The following ASB3 variants were observed in gnomAD, a reference collection of about 807,000 sequenced individuals.
ASB3 encodes ankyrin repeat and SOCS box protein 3.
A neutral mutation model predicts 54.5 loss-of-function variants in ASB3; 41 were observed. The observed-to-expected ratio is 0.75, with a 90% CI of 0.59 to 0.98. The LOEUF is 0.98. ASB3 is among the 50% of genes least tolerant of loss of function. ASB3 has a pLI of 0.00. For missense variants in ASB3, 733 were observed against 620.0 expected (o/e 1.18, Z -1.94); for synonymous variants, 266 against 221.2 (o/e 1.20, Z -1.80).
At chr2:53,746,536 G>C (rs1219377488) in intron 3 of ASB3, among the ~76,000 whole-genome samples, 2 of 147,716 alleles carry the variant, frequency 1.4e-5, no homozygotes, top group Non-Finnish European at 3.0e-5. Flanking sequence ...GGAGTGCAAT[G>C]GCGCAATCTT....
intron 3 of ASB3, among the ~76,000 whole-genome samples, chr2:53,731,403 T>C (rs940493505): frequency 6.9e-6 from 1 of 145,310 alleles, no homozygotes; most frequent in African/African-American, 2.6e-5. Flanking sequence ...CAAGACTCCA[T>C]CTCAAAAAAC....
intron 5 of ASB3, among the ~76,000 whole-genome samples, chr2:53,717,226 G>A (rs2009144): frequency 0.19 from 28,764 of 152,044 alleles, 2,997 homozygotes; most frequent in East Asian, 0.43. Context: ...AAAGAAAAAT[G>A]CAAACTATCA....
At chr2:53,689,431 T>C (rs757446385) in intron 9 of ASB3, among the ~76,000 whole-genome samples, 18 of 152,184 alleles carry the variant, frequency 1.2e-4, no homozygotes, top group Non-Finnish European at 2.2e-4. Context: ...GAAAAACAAA[T>C]ATTCTTTTAA....
chr2:53,682,348 T>C (rs980682100), intron 9 of ASB3, among the ~76,000 whole-genome samples: 1 of 152,216 alleles, frequency 6.6e-6, no homozygotes, highest in African/African-American at 2.4e-5. Flanking sequence ...TTAATTTCTT[T>C]CATCAGTGTT....
chr2:53,766,559 T>A (rs1179810331), intron 1 of ASB3, among the ~76,000 whole-genome samples: 5 of 152,196 alleles, frequency 3.3e-5, no homozygotes, highest in Non-Finnish European at 7.3e-5. Flanking sequence ...CAGTAAAATG[T>A]CATAACACAA....
intron 9 of ASB3, among the ~76,000 whole-genome samples, chr2:53,676,853 T>C (rs1668107115): frequency 6.6e-6 from 1 of 152,138 alleles, no homozygotes; most frequent in African/African-American, 2.4e-5. Flanking sequence ...CACTGCAACT[T>C]TGCCTCCCAG....
intron 7 of ASB3, among the ~76,000 whole-genome samples, chr2:53,710,227 C>T (rs1411449557): frequency 6.6e-6 from 1 of 152,208 alleles, no homozygotes; most frequent in African/African-American, 2.4e-5. Context: ...CATGTCTTCC[C>T]CTTTGTTAAT....
chr2:53,768,215 G>T lies in ASB3; in HGVS notation c.-13-2630C>A, dbSNP rs1277909038. On this transcript the variant is annotated intron_variant, in intron 1 of 9. Transcript: ENST00000263634. ...CTAACCCAGCCCGGGCACTCCTTCC[G>T]AAGCTGCTTAAGATGCCGGTGGTTA... 16 of 621,100 alleles carry T rather than the reference G, an allele frequency of 2.6e-5. No individual in the cohort carries two copies. The East Asian group carries it at 4.7e-4, about 18-fold the overall frequency. The allele number at this position is 621,100 out of a possible 1,614,324, so 38.5% of individuals were successfully genotyped here. A position where few individuals can be genotyped will look rare whatever the true frequency, so the allele number is the denominator to read the frequency against.
At chr2:53,783,980 ACTAGT>A (rs1674796061) in intron 1 of ASB3, among the ~76,000 whole-genome samples, 1 of 152,248 alleles carries the variant, frequency 6.6e-6, no homozygotes, top group Non-Finnish European at 1.5e-5. Context: ...TTGTAAAGCA[ACTAGT>A]CTAAATTACA....
chr2:53,767,887 A>G, intron 1 of ASB3: 1 of 1,609,376 alleles, frequency 6.2e-7, no homozygotes, highest in Non-Finnish European at 8.5e-7. Flanking sequence ...CCGCGAGAAG[A>G]TGTGGGTTTT....
chr2:53,746,917 T>C (rs534168990), intron 3 of ASB3, among the ~76,000 whole-genome samples: 28 of 152,230 alleles, frequency 1.8e-4, no homozygotes, highest in Non-Finnish European at 3.1e-4. Flanking sequence ...ATTTACAAAA[T>C]GGTAAATTCA....
chr2:53,705,052 C>T (rs1350081132), intron 7 of ASB3, among the ~76,000 whole-genome samples: 1 of 152,162 alleles, frequency 6.6e-6, no homozygotes, highest in Non-Finnish European at 1.5e-5. Flanking sequence ...AAAATTCCCA[C>T]AATCAAATTC....
At chr2:53,686,672 C>A (rs1317138077) in intron 9 of ASB3, among the ~76,000 whole-genome samples, 1 of 151,008 alleles carries the variant, frequency 6.6e-6, no homozygotes, top group African/African-American at 2.4e-5. Flanking sequence ...TAAAAAAAAA[C>A]ACCTCTGTTT....
At chr2:53,672,960 T>C (rs192406155) in intron 9 of ASB3, among the ~76,000 whole-genome samples, 23 of 152,362 alleles carry the variant, frequency 1.5e-4, no homozygotes, top group African/African-American at 5.0e-4. Context: ...TTGTGCAATC[T>C]GGAATTATTT....
chr2:53,670,649 G>C lies in ASB3; in HGVS notation c.1411C>G (p.Arg471Gly). Residue 471 changes from arginine to glycine, a missense_variant, in exon 10 of 10, where the codon CGG (arginine) becomes GGG (glycine). Coordinates refer to ENST00000263634, the MANE Select transcript of ASB3 (RefSeq NM_016115.5). ...AGACGTTCTGATTTTAGACTGGACCGAATTTCCAAACGACAAAGATGGGTC... is the reference window on the plus strand; with the variant it reads ...AGACGTTCTGATTTTAGACTGGACCCAATTTCCAAACGACAAAGATGGGTC... ...SLTHLCRLEI[R>G]SSLKSERLRS... 1 of 1,613,824 alleles carries C rather than the reference G, an allele frequency of 6.2e-7. No individual in the cohort carries two copies. The highest frequency in any genetic ancestry group is 1.6e-4 in the Middle Eastern group (1 of 6,062).
chr2:53,729,731 A>G (rs573180732), intron 3 of ASB3, among the ~76,000 whole-genome samples, 161 bp from the exon 4 acceptor site: 1 of 152,354 alleles, frequency 6.6e-6, no homozygotes, highest in African/African-American at 2.4e-5. Context: ...CCATTAACAT[A>G]TATCTAATTG....
chr2:53,776,888 T>C (rs894896125), intron 1 of ASB3, among the ~76,000 whole-genome samples: 1 of 152,210 alleles, frequency 6.6e-6, no homozygotes, highest in Non-Finnish European at 1.5e-5. Context: ...TGTAATCCTG[T>C]GGCTACTATG....
chr2:53,684,906 T>A (rs1240958310), intron 9 of ASB3, among the ~76,000 whole-genome samples: 1 of 152,192 alleles, frequency 6.6e-6, no homozygotes, highest in Non-Finnish European at 1.5e-5. Flanking sequence ...GATGAATTAC[T>A]ACAAGTATGA....
At chr2:53,758,190 G>A (rs1475962571) in intron 2 of ASB3, among the ~76,000 whole-genome samples, 1 of 152,138 alleles carries the variant, frequency 6.6e-6, no homozygotes, top group Non-Finnish European at 1.5e-5. Flanking sequence ...TGTAAACAAG[G>A]GCGTAGCCTG....
Sources: allele counts gnomAD v4.1 joint callset (sites outside exome capture counted in the v4.1 genomes callset), GRCh38; gene constraint gnomAD v4.1.1; transcripts MANE v1.5; gene names NCBI Gene and HGNC (gene_info 2026-07-23, HGNC 2026-07-21).